CACNA1I: variants seen among roughly 807,000 people sequenced by gnomAD.
CACNA1I encodes voltage-dependent T-type calcium channel subunit alpha-1I.
A neutral mutation model predicts 201.6 loss-of-function variants in CACNA1I; 74 were observed. The observed-to-expected ratio is 0.37, with a 90% CI of 0.30 to 0.45. The LOEUF (loss-of-function observed/expected upper bound fraction) is 0.45, where lower values mean the gene tolerates loss of function less well. Ranked by LOEUF, CACNA1I falls within the 20% of genes least tolerant of loss-of-function variation. The pLI is 1.00. For missense variants in CACNA1I, 2,346 were observed against 3,138.1 expected (o/e 0.75, Z 6.03); for synonymous variants, 1,431 against 1,345.2 (o/e 1.06, Z -1.40).
At chr22:39,587,816 C>T (rs1932773830) in intron 1 of CACNA1I, 5 of 420,478 alleles carry the variant, frequency 1.2e-5, no homozygotes, top group Non-Finnish European at 2.4e-5. Context: ...TGCTCTGTCA[C>T]CCAGGCTGGA....
In CACNA1I at chr22:39,665,408, A is replaced by G; in HGVS notation, c.3852-90A>G. On this transcript the variant is annotated intron_variant, in intron 21 of 36. Transcript: ENST00000402142. This position sits in a 1 kb window ranked among gnomAD's most constrained non-coding sequence, Gnocchi z 5.5. The stretch of plus-strand genomic sequence containing the variant: ...GAGCCCTGGGGACTCATGCCCTGGG[A>G]TACTCAGCCCTGGTGACTCTGGGCT... 6.7e-7 allele frequency: 1 copy of G among 1,490,752 alleles called. No individual in the cohort carries two copies. The highest frequency in any genetic ancestry group is 9.2e-7 in the Non-Finnish European group (1 of 1,092,654). 92.3% of individuals were successfully genotyped at this position (1,490,752 alleles called of 1,614,324 possible). A position where few individuals can be genotyped will look rare whatever the true frequency, so the allele number is the denominator to read the frequency against.
chr22:39,581,804 A>C (rs1261463504), intron 1 of CACNA1I, among the ~76,000 whole-genome samples: 1 of 152,220 alleles, frequency 6.6e-6, no homozygotes, highest in Non-Finnish European at 1.5e-5. Context: ...TCTTCTGCTA[A>C]TCTGTCTCCA....
At chr22:39,624,685 C>T (rs775574890) in intron 4 of CACNA1I, among the ~76,000 whole-genome samples, 2 of 152,186 alleles carry the variant, frequency 1.3e-5, no homozygotes, top group Non-Finnish European at 2.9e-5. Flanking sequence ...ACCCTCATTT[C>T]GCGGGACAGA....
In CACNA1I at chr22:39,678,233, C is replaced by T. The variant is rs368853409; in HGVS notation, c.5055+125C>T. 338 of 1,168,094 alleles carry T rather than the reference C, an allele frequency of 2.9e-4. 1 individual carries two copies. The East Asian group carries it at 6.6e-3, about 23-fold the overall frequency. 72.4% of individuals were successfully genotyped at this position (1,168,094 alleles called of 1,614,324 possible). A position where few individuals can be genotyped will look rare whatever the true frequency, so the allele number is the denominator to read the frequency against. On this transcript the variant is annotated intron_variant, in intron 31 of 36. Transcript: ENST00000402142. ...ACACATGGGAGGGGCATGCAGGGCA[C>T]GGAGGAGTGGAGGGGCCTGCCCAGG...
At chr22:39,611,541 A>G (rs1601816039) in intron 3 of CACNA1I, among the ~76,000 whole-genome samples, 1 of 151,998 alleles carries the variant, frequency 6.6e-6, no homozygotes, top group Non-Finnish European at 1.5e-5. Context: ...CACAGAGCCC[A>G]CTCTCTGGTT....
chr22:39,659,572 A>T lies in CACNA1I; in HGVS notation c.2448+22A>T. On this transcript the variant is annotated intron_variant, in intron 13 of 36. Transcript: ENST00000402142. This position sits in a 1 kb window ranked among gnomAD's most constrained non-coding sequence, Gnocchi z 4.3. ...CCAGGTGAGTGGCCGCTGCGTGTTCATGTTTGCTGGGGAAGCGATGGGACA... is the reference window on the plus strand; with the variant it reads ...CCAGGTGAGTGGCCGCTGCGTGTTCTTGTTTGCTGGGGAAGCGATGGGACA... 1 of 1,604,206 alleles carries T rather than the reference A, an allele frequency of 6.2e-7. No homozygotes were observed. Among genetic ancestry groups the T allele is most frequent in the East Asian group, 2.2e-5 (1 of 44,798 alleles).
chr22:39,634,540 A>C (rs1304478592), intron 4 of CACNA1I, 25 bp from the exon 5 acceptor site: 1 of 1,612,808 alleles, frequency 6.2e-7, no homozygotes, highest in Non-Finnish European at 8.5e-7. Flanking sequence ...CTGTCTGACC[A>C]TCCCTCCACC....
chr22:39,606,825 T>A (rs990326364), intron 3 of CACNA1I, among the ~76,000 whole-genome samples: 1 of 152,264 alleles, frequency 6.6e-6, no homozygotes, highest in Non-Finnish European at 1.5e-5. Context: ...AGTCACTATG[T>A]CTGGCCAATC....
intron 7 of CACNA1I, among the ~76,000 whole-genome samples, chr22:39,646,207 CTGGG>C (rs1297305792): frequency 4.6e-5 from 7 of 152,066 alleles, no homozygotes; most frequent in African/African-American, 1.4e-4. Flanking sequence ...CTGTGTCTCT[CTGGG>C]CCCCTCCACC....
rs1008710776 is a variant in CACNA1I at position 39,641,042 on chromosome 22, G to C, written c.916G>C (p.Gly306Arg). The C allele has an allele frequency of 5.0e-6, 8 of 1,613,938 alleles. No individual in the cohort carries two copies. The highest frequency in any genetic ancestry group is 1.3e-5 in the African/African-American group (1 of 74,956). The change falls in exon 6 of 37, where the codon GGG becomes CGG. Residue 306 changes from glycine to arginine, a missense_variant. Gly to Arg is a moderately radical substitution (Grantham distance 125, BLOSUM62 -2). Around this residue, in one of 13 missense-constraint regions of CACNA1I, gnomAD observed 227 missense variants for 412.5 expected, o/e 0.55. Transcript: ENST00000402142. ...GGACGACGTCTACGACTTTGGGGCG[G>C]GGCGCCAGGACCTCAATGCCAGCGG... ...SKDDVYDFGA[G>R]RQDLNASGLC...
intron 3 of CACNA1I, among the ~76,000 whole-genome samples, chr22:39,610,587 G>A (rs1933359057): frequency 6.6e-6 from 1 of 152,168 alleles, no homozygotes; most frequent in Non-Finnish European, 1.5e-5. Flanking sequence ...CATGAATCGG[G>A]AAGGACTATC....
intron 3 of CACNA1I, among the ~76,000 whole-genome samples, chr22:39,602,681 A>G (rs1338766476): frequency 6.6e-6 from 1 of 152,160 alleles, no homozygotes; most frequent in Admixed American, 6.5e-5. Context: ...CACTGCACAC[A>G]TCCTGCCATT....
At chr22:39,578,930 T>C (rs989301214) in intron 1 of CACNA1I, among the ~76,000 whole-genome samples, 8 of 152,068 alleles carry the variant, frequency 5.3e-5, no homozygotes, top group African/African-American at 1.9e-4. Flanking sequence ...CCCTTCCCCA[T>C]CGCCGTGGTT....
chr22:39,601,780 A>G (rs1933038188), intron 3 of CACNA1I, among the ~76,000 whole-genome samples: 1 of 149,946 alleles, frequency 6.7e-6, no homozygotes, highest in African/African-American at 2.5e-5. Context: ...AGGGTTTTAA[A>G]AAAGTTACAC....
At chr22:39,637,664 C>A (rs181122383) in intron 5 of CACNA1I, among the ~76,000 whole-genome samples, 5 of 152,192 alleles carry the variant, frequency 3.3e-5, no homozygotes, top group Non-Finnish European at 7.3e-5. Flanking sequence ...ACTCACTCAG[C>A]GGAATACTCA....
Position 39,661,954 on chromosome 22 carries a change from A to C in CACNA1I, c.2902-11A>C, listed in dbSNP as rs1601509622. 2 of 1,495,976 alleles carry C rather than the reference A, an allele frequency of 1.3e-6. No homozygotes were observed. The highest frequency in any genetic ancestry group is 1.8e-6 in the Non-Finnish European group (2 of 1,124,210). The allele number at this position is 1,495,976 out of a possible 1,614,324, so 92.7% of individuals were successfully genotyped here. On this transcript the variant is annotated splice_polypyrimidine_tract_variant and intron_variant, in intron 16 of 36. Coordinates refer to ENST00000402142, the MANE Select transcript of CACNA1I (RefSeq NM_021096.4). ...CTGTGGGGCGCTGACCCGAACGGGA[A>C]CTCCTTCCAGTCCAGCTCCCGGAGC...
intron 1 of CACNA1I, among the ~76,000 whole-genome samples, chr22:39,596,686 C>T (rs1240621567): frequency 6.6e-6 from 1 of 151,672 alleles, no homozygotes; most frequent in Non-Finnish European, 1.5e-5. Flanking sequence ...ATGTTTTTAA[C>T]TGCCCACTGC....
rs1935787432 is a variant in CACNA1I, at chr22:39,684,254, C to A, written c.5831-48C>A. The A allele has an allele frequency of 1.3e-6, 2 of 1,571,322 alleles. No individual in the cohort carries two copies. Among genetic ancestry groups the A allele is most frequent in the African/African-American group, 2.7e-5 (2 of 73,936 alleles). On this transcript the variant is annotated intron_variant, in intron 35 of 36. Coordinates refer to ENST00000402142, the MANE Select transcript of CACNA1I (RefSeq NM_021096.4). The surrounding 1 kb of genome is among the most constrained non-coding windows in gnomAD (Gnocchi z 4.6). Reference sequence around the variant, plus strand: ...CAATGCCACCTTCCAGGGGCTGCCCCCTGGCCTGAGCGTGCTCCCTCAGCT... The same window carrying A: ...CAATGCCACCTTCCAGGGGCTGCCCACTGGCCTGAGCGTGCTCCCTCAGCT...
At chr22:39,669,425 C>T (rs1935296499) in intron 24 of CACNA1I, among the ~76,000 whole-genome samples, 1 of 152,234 alleles carries the variant, frequency 6.6e-6, no homozygotes, top group South Asian at 2.1e-4. Flanking sequence ...CAAGTTCTCC[C>T]CTCTGCTGGC....
Sources: allele counts gnomAD v4.1 joint callset (sites outside exome capture counted in the v4.1 genomes callset), GRCh38; gene constraint gnomAD v4.1.1; regional missense constraint gnomAD v4.1.1; non-coding constraint Gnocchi (gnomAD v3.1); transcripts MANE v1.5; gene names NCBI Gene and HGNC (gene_info 2026-07-23, HGNC 2026-07-21).